TDG: variants seen among roughly 807,000 people sequenced by gnomAD.
The protein encoded by TDG is thymine DNA glycosylase.
In TDG, 23 loss-of-function variants were observed where a neutral mutation model predicts 46.1. The observed-to-expected ratio is 0.50, with a 90% CI of 0.36 to 0.71. TDG has a LOEUF of 0.71. Among genes scored for constraint, TDG ranks in the 30% least tolerant of loss-of-function variants. The probability of loss-of-function intolerance (pLI) is 0.00; values close to 1 mark genes in which losing one functional copy is unlikely to be tolerated. For missense variants in TDG, 304 were observed against 486.7 expected (o/e 0.62, Z 3.53); for synonymous variants, 115 against 161.3 (o/e 0.71, Z 2.18).
chr12:103,980,120 A>G, intron 3 of TDG, 48 bp downstream of exon 3: 1 of 1,605,072 alleles, frequency 6.2e-7, no homozygotes, highest in East Asian at 2.2e-5. Context: ...TTGGGGGATC[A>G]GCTTTACTTA....
chr12:103,986,632 G>A (rs918089033), intron 9 of TDG: 4 of 207,854 alleles, frequency 1.9e-5, no homozygotes, highest in South Asian at 9.6e-5. Context: ...GCCTCTCCTC[G>A]ATCCCGGGAG....
At position 103,974,184 on chromosome 12, in the gene TDG, C is replaced by CTT. The variant is rs201727177; in HGVS notation, c.24-2725_24-2724dup. On this transcript the variant is annotated intron_variant, in intron 1 of 9. Coordinates refer to ENST00000392872, the MANE Select transcript of TDG (RefSeq NM_003211.6). ...TTATCCAGGAAATGCTTTAGTTTGC[C>CTT]TTTTTTTTTTCCTGTTAACCATTTT... 1.1e-3 allele frequency among the ~76,000 whole-genome samples: 159 copies of CTT among 148,556 alleles called. 2 individuals carry two copies. Among genetic ancestry groups the CTT allele is most frequent in the Admixed American group, 1.0e-3 (15 of 14,892 alleles).
At chr12:103,981,096 T>C in intron 4 of TDG, 134 bp downstream of exon 4, 1 of 726,704 alleles carries the variant, frequency 1.4e-6, no homozygotes, top group Non-Finnish European at 2.3e-6. Context: ...GTTCTGTGTG[T>C]GTGTCTGTAC....
intron 1 of TDG, among the ~76,000 whole-genome samples, chr12:103,975,972 A>G (rs1438882119): frequency 1.3e-5 from 2 of 151,526 alleles, no homozygotes; most frequent in African/African-American, 4.8e-5. Flanking sequence ...TTGTCACCTC[A>G]TAAAGGTCCT....
intron 5 of TDG, 60 bp from the exon 6 acceptor site, chr12:103,983,076 T>G: frequency 6.4e-7 from 1 of 1,552,162 alleles, no homozygotes; most frequent in South Asian, 1.2e-5. Flanking sequence ...CTGTCTGAAT[T>G]TAGCATATTA....
intron 2 of TDG, among the ~76,000 whole-genome samples, chr12:103,979,334 C>T (rs539642798): frequency 2.5e-4 from 38 of 151,934 alleles, no homozygotes; most frequent in Admixed American, 5.2e-4. Context: ...GAACTCCTGA[C>T]GTCAGGTGAT....
In TDG at chr12:103,974,706, C is replaced by T. The variant is rs146960909; in HGVS notation, c.24-2212C>T. Among the ~76,000 whole-genome samples, 1,147 of 152,236 alleles carry T rather than the reference C, an allele frequency of 7.5e-3. 9 individuals are homozygous for T. Among genetic ancestry groups the T allele is most frequent in the African/African-American group, 0.026 (1,067 of 41,546 alleles). On this transcript the variant is annotated intron_variant, in intron 1 of 9. Coordinates refer to ENST00000392872, the MANE Select transcript of TDG (RefSeq NM_003211.6). ...ATGACTTTCGCTGGGCGCGGTGGCT[C>T]ATGCCTATAATCCCAGCACTTTGGG...
rs1872314297 is a variant in TDG at position 103,988,528 on chromosome 12, A to G, written c.*1438A>G. On this transcript the variant is annotated 3_prime_UTR_variant, in exon 10 of 10. Coordinates refer to ENST00000392872, the MANE Select transcript of TDG (RefSeq NM_003211.6). ...GTGCGGGTGCTTTGAAGTGCCTTGCATCAGGGATTAGGAGCAATTAAATTA... is the reference window on the plus strand; with the variant it reads ...GTGCGGGTGCTTTGAAGTGCCTTGCGTCAGGGATTAGGAGCAATTAAATTA... 6.5e-6 allele frequency: 1 copy of G among 152,790 alleles called. No homozygotes were observed. The highest frequency in any genetic ancestry group is 2.1e-4 in the South Asian group (1 of 4,838). 9.5% of individuals were successfully genotyped at this position (152,790 alleles called of 1,614,324 possible).
At chr12:103,966,169 A>T in intron 1 of TDG, 109 bp downstream of exon 1, 1 of 1,314,722 alleles carries the variant, frequency 7.6e-7, no homozygotes, top group Non-Finnish European at 1.0e-6. Context: ...CCGGAATACA[A>T]AGGCCGGGGC....
At chr12:103,967,576 C>T (rs775829619) in intron 1 of TDG, among the ~76,000 whole-genome samples, 2 of 151,586 alleles carry the variant, frequency 1.3e-5, no homozygotes, top group Non-Finnish European at 2.9e-5. Flanking sequence ...CCCGCTGCAG[C>T]CTCCCAAGTA....
intron 9 of TDG, chr12:103,986,602 T>C (rs1432635445): frequency 1.9e-5 from 3 of 160,790 alleles, no homozygotes; most frequent in Non-Finnish European, 2.7e-5. Context: ...GGCAGGAGTA[T>C]CATTATATAT....
intron 1 of TDG, among the ~76,000 whole-genome samples, chr12:103,972,324 G>A (rs1871323671): frequency 6.6e-6 from 1 of 152,122 alleles, no homozygotes; most frequent in South Asian, 2.1e-4. Context: ...TCACCATGTT[G>A]GCCAGGCCGG....
At chr12:103,976,778 T>G (rs1302829122) in intron 1 of TDG, 140 bp from the exon 2 acceptor site, 6 of 1,029,414 alleles carry the variant, frequency 5.8e-6, no homozygotes, top group Non-Finnish European at 7.0e-6. Flanking sequence ...AGATCTCTCC[T>G]CTGTAATCCA....
chr12:103,988,745 A>G lies in TDG; in HGVS notation c.*1655A>G, dbSNP rs1373389255. 6.6e-6 allele frequency: 1 copy of G among 152,378 alleles called. No homozygotes were observed. Among genetic ancestry groups the G allele is most frequent in the Non-Finnish European group, 1.5e-5 (1 of 68,048 alleles). 9.4% of individuals were successfully genotyped at this position (152,378 alleles called of 1,614,324 possible). A position where few individuals can be genotyped will look rare whatever the true frequency, so the allele number is the denominator to read the frequency against. ...GTTTTTCCTAACATGACAGATGAGT[A>G]GTAAATGTTGATATATCCTATACAT... is the stretch of plus-strand genomic sequence containing the variant. On this transcript the variant is annotated 3_prime_UTR_variant, in exon 10 of 10. Coordinates refer to ENST00000392872, the MANE Select transcript of TDG (RefSeq NM_003211.6).
rs1281277213 is a variant in TDG, at chr12:103,980,087, C to G, written c.408+15C>G. On this transcript the variant is annotated intron_variant, in intron 3 of 9. Coordinates refer to ENST00000392872, the MANE Select transcript of TDG (RefSeq NM_003211.6). ...ACATTGTCATTGTAAGATCTTTGTCCTCGTTGGATTTTATAAGTAGTATTG... is the reference window on the plus strand; with the variant it reads ...ACATTGTCATTGTAAGATCTTTGTCGTCGTTGGATTTTATAAGTAGTATTG... The G allele has an allele frequency of 1.9e-6, 3 of 1,611,100 alleles. No individual in the cohort carries two copies. The African/African-American group carries it at 4.0e-5, about 22-fold the overall frequency.
chr12:103,983,876 A>G (rs1871985702), intron 7 of TDG, among the ~76,000 whole-genome samples: 1 of 152,254 alleles, frequency 6.6e-6, no homozygotes, highest in South Asian at 2.1e-4. Context: ...GTTGTCTTAT[A>G]CACAAAGTCA....
intron 8 of TDG, among the ~76,000 whole-genome samples, chr12:103,985,240 A>G (rs1566184435): frequency 1.3e-5 from 2 of 151,712 alleles, no homozygotes; most frequent in Non-Finnish European, 2.9e-5. Flanking sequence ...ATTTAAAAGC[A>G]GGAAAAAAGA....
chr12:103,972,830 G>T, intron 1 of TDG: 4 of 454,774 alleles, frequency 8.8e-6, no homozygotes, highest in South Asian at 4.6e-5. Context: ...TTGATTTTCA[G>T]CTTCTGAACC....
At chr12:103,978,278 G>T (rs113074464) in intron 2 of TDG, among the ~76,000 whole-genome samples, 68 of 152,164 alleles carry the variant, frequency 4.5e-4, no homozygotes, top group African/African-American at 1.6e-3. Flanking sequence ...GGGGAGAAAG[G>T]GGAGTCCAGA....
Sources: gnomAD v4.1 joint callset for allele counts (sites outside exome capture counted in the v4.1 genomes callset) on GRCh38, gnomAD v4.1.1 for gene constraint, MANE v1.5 for transcripts, NCBI Gene and HGNC (gene_info 2026-07-23, HGNC 2026-07-21) for gene names.